The following SCFD1 variants were observed in gnomAD, a reference collection of about 807,000 sequenced individuals.
SCFD1 encodes the protein sec1 family domain containing 1.
Under a neutral mutation model 103.2 loss-of-function variants are expected in SCFD1, and 37 were observed. The observed-to-expected ratio is 0.36, with a 90% CI of 0.28 to 0.47. The LOEUF (loss-of-function observed/expected upper bound fraction) is 0.47. SCFD1 is among the 20% of genes least tolerant of loss of function. The pLI is 1.00. For synonymous variants in SCFD1, 264 were observed against 245.0 expected (o/e 1.08, Z -0.73); for missense variants, 639 against 761.2 (o/e 0.84, Z 1.89).
intron 19 of SCFD1, among the ~76,000 whole-genome samples, chr14:30,708,372 C>T (rs1334052381): frequency 6.6e-6 from 1 of 152,082 alleles, no homozygotes; most frequent in African/African-American, 2.4e-5. Context: ...TGTGTTGTTC[C>T]TCTCCCTGTG....
chr14:30,662,255 G>A (rs1370964892), intron 10 of SCFD1, among the ~76,000 whole-genome samples: 1 of 152,116 alleles, frequency 6.6e-6, no homozygotes, highest in Non-Finnish European at 1.5e-5. Flanking sequence ...TTTTGGAGAT[G>A]AGAATTCTCC....
chr14:30,718,184 C>T (rs1446279532), intron 20 of SCFD1, among the ~76,000 whole-genome samples: 1 of 152,162 alleles, frequency 6.6e-6, no homozygotes, highest in Admixed American at 6.5e-5. Flanking sequence ...GAGAGGCAAC[C>T]AAGAAATGTT....
In SCFD1 at chr14:30,650,624, T is replaced by C. The variant is rs1337386662; in HGVS notation, c.729T>C (p.Gly243=). ...LRDARNSLFT[G]DTLGAGQFSF... ...ATGCAAGAAACAGTCTTTTTACAGG[T>C]GATACACTTGGAGCTGGCCAATTCA... is the stretch of plus-strand genomic sequence containing the variant. Residue 243 remains glycine, a synonymous_variant, in exon 9 of 25, where the codon GGT becomes GGC. Transcript: ENST00000458591. 2.5e-6 allele frequency: 4 copies of C among 1,607,684 alleles called. No individual in the cohort carries two copies.
intron 19 of SCFD1, among the ~76,000 whole-genome samples, chr14:30,711,628 A>C (rs1038850765): frequency 6.6e-6 from 1 of 152,162 alleles, no homozygotes; most frequent in African/African-American, 2.4e-5. Flanking sequence ...CACCCAAAAT[A>C]TATACAACTT....
intron 10 of SCFD1, among the ~76,000 whole-genome samples, chr14:30,663,233 A>G (rs1421591869): frequency 6.6e-6 from 1 of 152,182 alleles, no homozygotes; most frequent in Non-Finnish European, 1.5e-5. Flanking sequence ...TAATTTTGCT[A>G]GCAAGTTAAC....
intron 17 of SCFD1, 35 bp from the exon 18 acceptor site, chr14:30,705,788 A>G: frequency 1.3e-6 from 2 of 1,553,652 alleles, no homozygotes; most frequent in Non-Finnish European, 1.8e-6. Context: ...TAGTTCTAAT[A>G]ATTAGCTTTT....
At chr14:30,712,454 A>G (rs1941793398) in intron 19 of SCFD1, among the ~76,000 whole-genome samples, 1 of 152,228 alleles carries the variant, frequency 6.6e-6, no homozygotes, top group Non-Finnish European at 1.5e-5. Flanking sequence ...CAAAGGAAAA[A>G]AAACACTTCC....
chr14:30,625,357 A>G (rs1883281418), intron 1 of SCFD1, among the ~76,000 whole-genome samples: 1 of 152,178 alleles, frequency 6.6e-6, no homozygotes, highest in African/African-American at 2.4e-5. Flanking sequence ...TTACTGGTTG[A>G]GCATCCCAAA....
intron 10 of SCFD1, among the ~76,000 whole-genome samples, chr14:30,660,487 C>T (rs1176020971): frequency 1.3e-5 from 2 of 152,142 alleles, no homozygotes; most frequent in Admixed American, 1.3e-4. Flanking sequence ...ATTAAGGGTT[C>T]TCCATAAATC....
chr14:30,729,060 C>T (rs979778292), intron 23 of SCFD1, among the ~76,000 whole-genome samples: 1 of 151,930 alleles, frequency 6.6e-6, no homozygotes, highest in Non-Finnish European at 1.5e-5. Flanking sequence ...ACGCCTGGCC[C>T]CTTTGTCCAT....
chr14:30,651,625 T>G (rs1886399434), intron 9 of SCFD1, among the ~76,000 whole-genome samples: 2 of 152,272 alleles, frequency 1.3e-5, no homozygotes, highest in African/African-American at 4.8e-5. Flanking sequence ...TAGTTCCCTT[T>G]TTATAGCTCT....
At chr14:30,664,628 A>C (rs1440839038) in intron 10 of SCFD1, among the ~76,000 whole-genome samples, 1 of 152,182 alleles carries the variant, frequency 6.6e-6, no homozygotes, top group Non-Finnish European at 1.5e-5. Context: ...ACCGGTCACA[A>C]GGAAGCTAAA....
At chr14:30,719,209 TG>T in intron 20 of SCFD1, 115 bp from the exon 21 acceptor site, 1 of 698,570 alleles carries the variant, frequency 1.4e-6, no homozygotes. Context: ...GTATTAGGGA[TG>T]GTTGTTATAC....
chr14:30,624,815 C>G (rs1883216906), intron 1 of SCFD1, among the ~76,000 whole-genome samples: 1 of 152,292 alleles, frequency 6.6e-6, no homozygotes, highest in East Asian at 1.9e-4. Context: ...ACCTCACTCC[C>G]TATTTCTCTT....
At chr14:30,623,506 T>C (rs1883068519) in intron 1 of SCFD1, among the ~76,000 whole-genome samples, 1 of 152,210 alleles carries the variant, frequency 6.6e-6, no homozygotes, top group South Asian at 2.1e-4. Context: ...ATAGGGAAGT[T>C]CAAATAAGAT....
chr14:30,726,060 C>T (rs1196152220), intron 23 of SCFD1, among the ~76,000 whole-genome samples: 3 of 152,174 alleles, frequency 2.0e-5, no homozygotes, highest in African/African-American at 7.2e-5. Flanking sequence ...GCATTCCACA[C>T]GCTCTTACCC....
intron 18 of SCFD1, 73 bp downstream of exon 18, chr14:30,705,958 C>A: frequency 1.7e-6 from 2 of 1,197,826 alleles, no homozygotes; most frequent in Non-Finnish European, 2.5e-6. Flanking sequence ...CTTAAAAACA[C>A]AATGTCTGAT....
In SCFD1 at chr14:30,732,357, C is replaced by T. The variant is rs370215266; in HGVS notation, c.1837-2433C>T. Among the ~76,000 whole-genome samples the T allele has an allele frequency of 8.5e-5, 13 of 152,320 alleles. No homozygotes were observed. In the East Asian group the frequency reaches 2.5e-3, roughly 29 times the overall value. On this transcript the variant is annotated intron_variant, in intron 23 of 24. Coordinates refer to ENST00000458591, the MANE Select transcript of SCFD1 (RefSeq NM_016106.4). Reference sequence around the variant, plus strand: ...AGGCAAGAGCAGACATCCTTGTCTTCTTTCTCATCATACGGGCAAAGCATC... The same window carrying T: ...AGGCAAGAGCAGACATCCTTGTCTTTTTTCTCATCATACGGGCAAAGCATC...
Position 30,661,384 on chromosome 14 carries a change from G to A in SCFD1, c.855+7796G>A, listed in dbSNP as rs566795576. Reference sequence around the variant, plus strand: ...AACCACATATCATCACCATGACTGGGAGTTTTGTTTCTTCAGCCACTCAGG... The same window carrying A: ...AACCACATATCATCACCATGACTGGAAGTTTTGTTTCTTCAGCCACTCAGG... On this transcript the variant is annotated intron_variant, in intron 10 of 24. Coordinates refer to ENST00000458591, the MANE Select transcript of SCFD1 (RefSeq NM_016106.4). Among the ~76,000 whole-genome samples the A allele has an allele frequency of 3.3e-5, 5 of 152,196 alleles. No individual in the cohort carries two copies. In the South Asian group the frequency reaches 1.0e-3, roughly 32 times the overall value.
Sources: allele counts gnomAD v4.1 joint callset (sites outside exome capture counted in the v4.1 genomes callset), GRCh38; gene constraint gnomAD v4.1.1; transcripts MANE v1.5; gene names NCBI Gene and HGNC (gene_info 2026-07-23, HGNC 2026-07-21).